NDEL1: variants seen among roughly 807,000 people sequenced by gnomAD.
NDEL1 encodes nudE neurodevelopment protein 1 like 1, also known as nuclear distribution protein nudE-like 1.
In NDEL1, 9 loss-of-function variants were observed where a neutral mutation model predicts 45.7. That is an observed-to-expected ratio of 0.20 (90% CI 0.12 to 0.34). The LOEUF is 0.34. Among genes scored for constraint, NDEL1 ranks in the 10% least tolerant of loss-of-function variants. NDEL1 has a pLI of 1.00. For synonymous variants in NDEL1, 133 were observed against 158.6 expected, an observed-to-expected ratio of 0.84 and a Z score of 1.21; for missense variants, 306 against 406.2, an observed-to-expected ratio of 0.75 and a Z score of 2.12.
At chr17:8,461,707 C>G (rs953546567) in intron 8 of NDEL1, among the ~76,000 whole-genome samples, 4 of 152,180 alleles carry the variant, frequency 2.6e-5, no homozygotes, top group Non-Finnish European at 5.9e-5. Context: ...GTAGCCATTT[C>G]CCCTGAATGA....
intron 4 of NDEL1, among the ~76,000 whole-genome samples, chr17:8,448,120 G>A (rs985799846): frequency 2.6e-5 from 4 of 152,158 alleles, no homozygotes; most frequent in Non-Finnish European, 4.4e-5. Context: ...GGAAAGTTCC[G>A]GTTTTCCTTT....
downstream of NDEL1, among the ~76,000 whole-genome samples, chr17:8,472,984 T>G (rs1054424072): frequency 6.6e-6 from 1 of 152,204 alleles, no homozygotes; most frequent in African/African-American, 2.4e-5. Context: ...CCTTGTGCTC[T>G]GAATGCCCAA....
chr17:8,435,948 A>T lies in NDEL1; in HGVS notation c.-110A>T. 1 of 449,314 alleles carries T rather than the reference A, an allele frequency of 2.2e-6. No homozygotes were observed. Among genetic ancestry groups the T allele is most frequent in the South Asian group, 1.6e-5 (1 of 64,054 alleles). The allele number at this position is 449,314 out of a possible 1,614,324, so 27.8% of individuals were successfully genotyped here. ...CGCTGAGTGGAGCTCGGGGCTGCGT[A>T]GGGGAGCTGAGCCGAGCGGCTGGGC... On this transcript the variant is annotated 5_prime_UTR_variant, in exon 1 of 9. Transcript: ENST00000334527.
intron 8 of NDEL1, 40 bp downstream of exon 8, chr17:8,460,200 T>C (rs950335559): frequency 6.3e-7 from 1 of 1,590,182 alleles, no homozygotes; most frequent in Non-Finnish European, 8.6e-7. Flanking sequence ...TTTTGAGTAG[T>C]AAAGTGACAG....
intron 8 of NDEL1, among the ~76,000 whole-genome samples, chr17:8,462,140 A>C (rs1911250067): frequency 6.6e-6 from 1 of 151,558 alleles, no homozygotes; most frequent in South Asian, 2.1e-4. Flanking sequence ...CCGAGATGTA[A>C]GTGTAGGCTT....
At chr17:8,436,933 C>T (rs1236830743) in intron 1 of NDEL1, among the ~76,000 whole-genome samples, 1 of 152,156 alleles carries the variant, frequency 6.6e-6, no homozygotes, top group Non-Finnish European at 1.5e-5. Flanking sequence ...GCTCGGAGTT[C>T]TGGTTTCTTT....
intron 8 of NDEL1, 93 bp downstream of exon 8, chr17:8,460,253 G>A: frequency 7.3e-7 from 1 of 1,373,888 alleles, no homozygotes; most frequent in Non-Finnish European, 9.9e-7. Flanking sequence ...GGTAAACTCA[G>A]CTTGACAAAC....
chr17:8,422,085 C>G (rs1908720000), intron 1 of NDEL1, among the ~76,000 whole-genome samples: 1 of 152,176 alleles, frequency 6.6e-6, no homozygotes, highest in Admixed American at 6.5e-5. Context: ...AGTGTGGGAG[C>G]CCTGAGAAAA....
intron 6 of NDEL1, 25 bp from the exon 7 acceptor site, chr17:8,454,771 T>A (rs200078280): frequency 6.4e-7 from 1 of 1,573,788 alleles, no homozygotes; most frequent in East Asian, 2.2e-5. Flanking sequence ...GCAAGTGTAA[T>A]CACTCAGCTT....
intron 4 of NDEL1, among the ~76,000 whole-genome samples, chr17:8,447,460 T>C (rs1692658561): frequency 6.6e-6 from 1 of 152,202 alleles, no homozygotes; most frequent in Admixed American, 6.5e-5. Flanking sequence ...TGTGTATTTA[T>C]TTATTTTTTA....
rs1234952630 is a variant in NDEL1 at position 8,465,108 on chromosome 17, G to C, written c.945-1822G>C. The C allele has an allele frequency of 1.3e-5, 2 of 152,292 alleles. No homozygotes were observed. The highest frequency in any genetic ancestry group is 2.9e-5 in the Non-Finnish European group (2 of 68,110). 9.4% of individuals were successfully genotyped at this position (152,292 alleles called of 1,614,324 possible). ...GAGGCCAGGAATCTGAGGTTCACAC[G>C]TGCTGAGAGCTGCAGGCATTTGTGG... is the stretch of plus-strand genomic sequence containing the variant. On this transcript the variant is annotated intron_variant, in intron 8 of 8. Transcript: ENST00000334527. This position sits in a 1 kb window ranked among gnomAD's most constrained non-coding sequence, Gnocchi z 4.9.
At chr17:8,448,838 C>A in intron 5 of NDEL1, 152 bp downstream of exon 5, 1 of 829,164 alleles carries the variant, frequency 1.2e-6, no homozygotes, top group South Asian at 2.2e-5. Context: ...GGAGGGCTGA[C>A]TTTTCATATA....
downstream of NDEL1, among the ~76,000 whole-genome samples, chr17:8,473,036 G>A (rs575170570): frequency 2.6e-5 from 4 of 152,248 alleles, no homozygotes; most frequent in African/African-American, 9.6e-5. Flanking sequence ...CTGGAGTGTC[G>A]GGTCAGTCAA....
At chr17:8,423,164 G>A (rs1481706937) in intron 1 of NDEL1, among the ~76,000 whole-genome samples, 1 of 152,036 alleles carries the variant, frequency 6.6e-6, no homozygotes, top group Non-Finnish European at 1.5e-5. Flanking sequence ...AAATGGTTGG[G>A]GTATTATTTT....
At chr17:8,473,206 C>G (rs1002509040) in intron 3 of NDEL1, among the ~76,000 whole-genome samples, 3 of 151,246 alleles carry the variant, frequency 2.0e-5, no homozygotes, top group African/African-American at 7.3e-5. Context: ...TTTTTTGAGA[C>G]GGAGTCGCCC....
intron 1 of NDEL1, among the ~76,000 whole-genome samples, chr17:8,441,649 C>A (rs575609100): frequency 6.6e-6 from 1 of 152,196 alleles, no homozygotes; most frequent in East Asian, 1.9e-4. Context: ...AACATGTCTT[C>A]ACCACAACCT....
intron 5 of NDEL1, among the ~76,000 whole-genome samples, chr17:8,449,026 A>G (rs1910280707): frequency 6.6e-6 from 1 of 152,248 alleles, no homozygotes; most frequent in Non-Finnish European, 1.5e-5. Flanking sequence ...ACTTTCACCC[A>G]GGCTGGAGTG....
chr17:8,432,359 A>AATATATATATATATTATATATAAATCTCT (rs1567722425), upstream of NDEL1, among the ~76,000 whole-genome samples: 1 of 59,812 alleles, frequency 1.7e-5, no homozygotes, highest in African/African-American at 4.9e-5. Flanking sequence ...TATAAATATA[A>AATATATATATATATTATATATAAATCTCT]ATATATATAT....
At chr17:8,441,743 C>T (rs949209677) in intron 1 of NDEL1, among the ~76,000 whole-genome samples, 1 of 152,114 alleles carries the variant, frequency 6.6e-6, no homozygotes, top group African/African-American at 2.4e-5. Flanking sequence ...CCGTCTGAAG[C>T]ATTCTATGGG....
Sources: gnomAD v4.1 joint callset for allele counts (sites outside exome capture counted in the v4.1 genomes callset) on GRCh38, gnomAD v4.1.1 for gene constraint, Gnocchi (gnomAD v3.1) non-coding constraint, MANE v1.5 for transcripts, NCBI Gene and HGNC (gene_info 2026-07-23, HGNC 2026-07-21) for gene names.